SNX29: variants seen among roughly 807,000 people sequenced by gnomAD.
The protein encoded by SNX29 is sorting nexin-29.
Under a neutral mutation model 102.1 loss-of-function variants are expected in SNX29, and 78 were observed. The observed-to-expected ratio is 0.76, with a 90% CI of 0.64 to 0.92. SNX29 has a LOEUF of 0.92. SNX29 is among the 40% of genes least tolerant of loss of function. The probability of loss-of-function intolerance (pLI) is 0.00; values close to 1 mark genes in which losing one functional copy is unlikely to be tolerated. For synonymous variants in SNX29, 580 were observed against 414.5 expected, an observed-to-expected ratio of 1.40 and a Z score of -4.85; for missense variants, 1,280 against 1,061.7, an observed-to-expected ratio of 1.21 and a Z score of -2.86.
At chr16:12,558,481 G>A (rs2078512860) in intron 20 of SNX29, among the ~76,000 whole-genome samples, 3 of 152,194 alleles carry the variant, frequency 2.0e-5, no homozygotes, top group African/African-American at 7.2e-5. Context: ...TTAAAGTTAA[G>A]CACAGTGCAT....
chr16:12,214,162 C>G (rs534961129), intron 14 of SNX29, among the ~76,000 whole-genome samples: 5 of 152,186 alleles, frequency 3.3e-5, no homozygotes, highest in Non-Finnish European at 7.3e-5. Flanking sequence ...TCCCAAATCA[C>G]TGCAAATGGA....
intron 20 of SNX29, among the ~76,000 whole-genome samples, chr16:12,553,395 G>T (rs116482479): frequency 0.015 from 2,344 of 152,242 alleles, 55 homozygotes; most frequent in African/African-American, 0.053. Context: ...GAACATATAA[G>T]TAGTTCTGGT....
intron 1 of SNX29, among the ~76,000 whole-genome samples, chr16:11,988,351 G>A (rs571068845): frequency 2.8e-4 from 43 of 152,042 alleles, no homozygotes; most frequent in Admixed American, 5.2e-4. Flanking sequence ...GTGCCATGTG[G>A]TAGTTATTAA....
intron 20 of SNX29, among the ~76,000 whole-genome samples, chr16:12,567,737 C>T (rs902265126): frequency 2.0e-5 from 3 of 152,160 alleles, no homozygotes; most frequent in Non-Finnish European, 2.9e-5. Context: ...ACTGTAAAAC[C>T]TGGGCAAGAG....
intron 3 of SNX29, among the ~76,000 whole-genome samples, chr16:12,014,809 T>C (rs1324046392): frequency 6.6e-6 from 1 of 152,096 alleles, no homozygotes; most frequent in Non-Finnish European, 1.5e-5. Flanking sequence ...AGGTTATTTT[T>C]CCATTTTCTG....
At chr16:12,056,588 G>A (rs1477134842) in intron 8 of SNX29, among the ~76,000 whole-genome samples, 1 of 152,220 alleles carries the variant, frequency 6.6e-6, no homozygotes, top group African/African-American at 2.4e-5. Flanking sequence ...GATTGCCACA[G>A]TGTCTGGCAG....
chr16:12,070,941 T>TC (rs1187597882), intron 10 of SNX29, among the ~76,000 whole-genome samples: 5 of 152,194 alleles, frequency 3.3e-5, no homozygotes, highest in African/African-American at 9.6e-5. Context: ...GAGCATTTTT[T>TC]CATGTGTCTT....
chr16:12,541,148 C>CAT (rs2077317471), intron 20 of SNX29, among the ~76,000 whole-genome samples: 1 of 152,198 alleles, frequency 6.6e-6, no homozygotes, highest in South Asian at 2.1e-4. Flanking sequence ...GACCTTACTA[C>CAT]ATCATACCCA....
chr16:12,540,871 TC>T (rs1329827841), intron 20 of SNX29, among the ~76,000 whole-genome samples: 1 of 152,204 alleles, frequency 6.6e-6, no homozygotes, highest in East Asian at 1.9e-4. Flanking sequence ...AGTGCCCTTT[TC>T]CACTTCTGGA....
intron 19 of SNX29, among the ~76,000 whole-genome samples, chr16:12,493,456 A>G (rs2088653032): frequency 6.6e-6 from 1 of 152,202 alleles, no homozygotes; most frequent in South Asian, 2.1e-4. Context: ...GGGGTTTTCT[A>G]GATATACAAT....
intron 3 of SNX29, among the ~76,000 whole-genome samples, chr16:12,007,802 C>G (rs2056506729): frequency 6.6e-6 from 1 of 152,208 alleles, no homozygotes; most frequent in Non-Finnish European, 1.5e-5. Flanking sequence ...ACCTCATGCT[C>G]CCTTGAAACC....
intron 14 of SNX29, among the ~76,000 whole-genome samples, chr16:12,273,781 C>G (rs966663999): frequency 1.3e-5 from 2 of 152,234 alleles, no homozygotes; most frequent in African/African-American, 4.8e-5. Context: ...CTCCTTCCCC[C>G]AGACCCTGGC....
chr16:12,028,463 A>C (rs1400346739), intron 4 of SNX29, among the ~76,000 whole-genome samples: 1 of 152,098 alleles, frequency 6.6e-6, no homozygotes, highest in Non-Finnish European at 1.5e-5. Flanking sequence ...TACTAGGCTC[A>C]AGTGATCCCC....
intron 18 of SNX29, among the ~76,000 whole-genome samples, chr16:12,447,967 A>G (rs972249248): frequency 1.3e-5 from 2 of 152,198 alleles, no homozygotes; most frequent in Non-Finnish European, 2.9e-5. Context: ...AGCTGAGATC[A>G]TTCACATCTA....
chr16:12,032,343 G>C (rs1227671778), intron 4 of SNX29, among the ~76,000 whole-genome samples: 5 of 151,914 alleles, frequency 3.3e-5, no homozygotes, highest in African/African-American at 1.2e-4. Context: ...AAGTAGCTGA[G>C]ATTATAGGCA....
intron 19 of SNX29, among the ~76,000 whole-genome samples, chr16:12,507,251 T>G (rs937511886): frequency 6.6e-6 from 1 of 152,200 alleles, no homozygotes; most frequent in African/African-American, 2.4e-5. Flanking sequence ...ATCAAAGCAC[T>G]TAGCACGGTG....
intron 19 of SNX29, among the ~76,000 whole-genome samples, chr16:12,486,927 T>G (rs985674050): frequency 6.6e-6 from 1 of 152,216 alleles, no homozygotes; most frequent in East Asian, 1.9e-4. Context: ...TGTGCATTTA[T>G]TCTTTCAATG....
rs555267001 is a variant in SNX29, at chr16:12,024,779, A to G, written c.123-2541A>G. 2.6e-5 allele frequency among the ~76,000 whole-genome samples: 4 copies of G among 152,324 alleles called. No homozygotes were observed. In the South Asian group the frequency reaches 6.2e-4, roughly 24 times the overall value. The stretch of plus-strand genomic sequence containing the variant: ...ATTGGAACCAAGCAAACTAATAGCA[A>G]TTGTTGAGTTGATTGCTGTATTTGC... On this transcript the variant is annotated intron_variant, in intron 3 of 20. Transcript: ENST00000566228.
chr16:12,157,460 G>A (rs1044874925), intron 13 of SNX29, among the ~76,000 whole-genome samples: 4 of 152,174 alleles, frequency 2.6e-5, no homozygotes, highest in Non-Finnish European at 5.9e-5. Flanking sequence ...TGCCCAGGGC[G>A]GGAGGTTTCA....
Sources: gnomAD v4.1 joint callset for allele counts (sites outside exome capture counted in the v4.1 genomes callset) on GRCh38, gnomAD v4.1.1 for gene constraint, MANE v1.5 for transcripts, NCBI Gene and HGNC (gene_info 2026-07-23, HGNC 2026-07-21) for gene names.